TYW1: variants seen among roughly 807,000 people sequenced by gnomAD.
TYW1 encodes the protein tRNA-yW synthesizing protein 1 homolog, also known as S-adenosyl-L-methionine-dependent tRNA 4-demethylwyosine synthase TYW1.
A neutral mutation model predicts 96.2 loss-of-function variants in TYW1; 46 were observed. The observed-to-expected ratio is 0.48, with a 90% confidence interval of 0.38 to 0.61. The LOEUF (loss-of-function observed/expected upper bound fraction) is 0.61, where lower values mean the gene tolerates loss of function less well. TYW1 is among the 20% of genes least tolerant of loss of function. The pLI, the probability that TYW1 is intolerant of heterozygous loss-of-function variation, is 0.00. For synonymous variants in TYW1, 274 were observed against 323.0 expected (o/e 0.85, Z 1.63); for missense variants, 684 against 909.6 (o/e 0.75, Z 3.19).
chr7:67,113,703 A>G (rs1256993859), intron 12 of TYW1, among the ~76,000 whole-genome samples: 2 of 150,170 alleles, frequency 1.3e-5, no homozygotes, highest in African/African-American at 2.5e-5. Context: ...CAGTGGCGCA[A>G]TCTTGGCTCA....
chr7:67,182,672 A>G (rs1281753171), intron 13 of TYW1, among the ~76,000 whole-genome samples: 1 of 152,246 alleles, frequency 6.6e-6, no homozygotes, highest in Non-Finnish European at 1.5e-5. Context: ...AGAAATGCCA[A>G]GAGATCATTA....
intron 12 of TYW1, among the ~76,000 whole-genome samples, chr7:67,115,013 G>C (rs1797549231): frequency 6.6e-6 from 1 of 151,830 alleles, no homozygotes. Flanking sequence ...ATCTAGTATT[G>C]GCTAGAATTC....
intron 9 of TYW1, among the ~76,000 whole-genome samples, chr7:67,056,176 T>C (rs1795509901): frequency 6.6e-6 from 1 of 152,226 alleles, no homozygotes; most frequent in Non-Finnish European, 1.5e-5. Context: ...CTATTACTGT[T>C]ATTTGGCTTT....
chr7:67,185,423 A>G (rs1346669141), intron 14 of TYW1, among the ~76,000 whole-genome samples: 2 of 151,828 alleles, frequency 1.3e-5, no homozygotes, highest in African/African-American at 4.8e-5. Context: ...CAGTGGGACT[A>G]GGGCCGGAGA....
intron 4 of TYW1, among the ~76,000 whole-genome samples, chr7:67,013,846 C>T (rs1793908169): frequency 1.3e-5 from 2 of 148,580 alleles, no homozygotes; most frequent in African/African-American, 5.0e-5. Flanking sequence ...TGGATTCATG[C>T]CATTCTCCTG....
At chr7:67,133,340 C>T (rs1157187119) in intron 13 of TYW1, among the ~76,000 whole-genome samples, 1 of 151,970 alleles carries the variant, frequency 6.6e-6, no homozygotes. Context: ...GATGGAGTCT[C>T]ACTATGTTGC....
chr7:67,169,343 T>G (rs1799448430), intron 13 of TYW1, among the ~76,000 whole-genome samples: 1 of 152,218 alleles, frequency 6.6e-6, no homozygotes, highest in Non-Finnish European at 1.5e-5. Context: ...AGTGTCTGTC[T>G]TCTTACAGTT....
intron 6 of TYW1, among the ~76,000 whole-genome samples, chr7:67,020,564 C>T (rs894569292): frequency 6.6e-6 from 1 of 152,236 alleles, no homozygotes; most frequent in Non-Finnish European, 1.5e-5. Context: ...ACAAATCAGA[C>T]CATGTTAACC....
chr7:67,078,454 T>C (rs1796272800), intron 10 of TYW1, among the ~76,000 whole-genome samples: 3 of 152,152 alleles, frequency 2.0e-5, no homozygotes, highest in Admixed American at 1.3e-4. Context: ...CTGCATAGGA[T>C]TTCTTTGGCT....
chr7:67,050,536 C>A (rs1475750623), intron 8 of TYW1, among the ~76,000 whole-genome samples: 1 of 152,028 alleles, frequency 6.6e-6, no homozygotes, highest in African/African-American at 2.4e-5. Context: ...TCCCCCTCCC[C>A]ACTTCCCCTC....
At chr7:67,206,440 G>A (rs1398354872) in intron 15 of TYW1, among the ~76,000 whole-genome samples, 2 of 152,006 alleles carry the variant, frequency 1.3e-5, no homozygotes, top group Admixed American at 6.6e-5. Context: ...AGACCAGCCT[G>A]GCCAACATGG....
At position 67,183,147 on chromosome 7, in the gene TYW1, C is replaced by T. The variant is rs761207173; in HGVS notation, c.1720C>T (p.Leu574=). ...AVKQQRTVYR[L]TLVKAWNVDE... is the part of the protein sequence containing the mutation. ...TTAGCAACAACGAACTGTCTACAGA[C>T]TGACGCTCGTGAAAGCATGGAACGT... Residue 574 remains leucine (L), a synonymous_variant, in exon 14 of 16, where the codon CTG becomes TTG. Coordinates refer to ENST00000359626, the MANE Select transcript of TYW1 (RefSeq NM_018264.4). The T allele has an allele frequency of 5.0e-6, 8 of 1,612,308 alleles. No individual in the cohort carries two copies. In the African/African-American group the frequency reaches 1.1e-4, roughly 22 times the overall value.
At chr7:67,124,919 C>G (rs1282247726) in intron 13 of TYW1, among the ~76,000 whole-genome samples, 2 of 152,130 alleles carry the variant, frequency 1.3e-5, no homozygotes, top group African/African-American at 4.8e-5. Flanking sequence ...ACTGCACCCT[C>G]TGCCTCCTGG....
rs796984270 is a variant in TYW1, at chr7:67,205,389, G to T, written c.1977+10052G>T. ...CACTGACATTATAGGATGGAGGCGG[G>T]GGGGGGGCCTTATTGCTGCTGGGTG... is the stretch of plus-strand genomic sequence containing the variant. On this transcript the variant is annotated intron_variant, in intron 15 of 15. Transcript: ENST00000359626. 7.5e-3 allele frequency among the ~76,000 whole-genome samples: 989 copies of T among 132,234 alleles called. 7 individuals are homozygous for T. The highest frequency in any genetic ancestry group is 0.028 in the African/African-American group (947 of 34,392). The allele number at this position is 132,234 out of a possible 152,430, so 86.8% of individuals were successfully genotyped here.
At chr7:67,103,971 A>G (rs1467351413) in intron 12 of TYW1, among the ~76,000 whole-genome samples, 5 of 152,158 alleles carry the variant, frequency 3.3e-5, no homozygotes, top group Non-Finnish European at 7.4e-5. Context: ...CACACTAGGA[A>G]GTAATAATGT....
chr7:67,139,821 A>G (rs1798386537), intron 13 of TYW1, among the ~76,000 whole-genome samples: 1 of 151,422 alleles, frequency 6.6e-6, no homozygotes, highest in African/African-American at 2.4e-5. Flanking sequence ...ACCATATTTA[A>G]AAAAGATTTC....
intron 15 of TYW1, among the ~76,000 whole-genome samples, chr7:67,227,556 C>A (rs1801605030): frequency 6.6e-6 from 1 of 152,062 alleles, no homozygotes; most frequent in South Asian, 2.1e-4. Flanking sequence ...CAAACCCGGC[C>A]CCCACACCAG....
chr7:67,073,790 AAAAGAAAT>A (rs1364488137), intron 10 of TYW1, among the ~76,000 whole-genome samples: 1 of 142,434 alleles, frequency 7.0e-6, no homozygotes, highest in Non-Finnish European at 1.5e-5. Context: ...AAAAAAAAAA[AAAAGAAAT>A]ATGGCCAGGC....
chr7:67,056,251 C>T (rs1043713384), intron 9 of TYW1, among the ~76,000 whole-genome samples: 5 of 152,014 alleles, frequency 3.3e-5, no homozygotes, highest in African/African-American at 9.7e-5. Flanking sequence ...CTAGCACTTT[C>T]GGAGGCCAGG....
Sources: gnomAD v4.1 joint callset for allele counts (sites outside exome capture counted in the v4.1 genomes callset) on GRCh38, gnomAD v4.1.1 for gene constraint, MANE v1.5 for transcripts, NCBI Gene and HGNC (gene_info 2026-07-23, HGNC 2026-07-21) for gene names.